NRXN3: variants seen among roughly 807,000 people sequenced by gnomAD.
The protein encoded by NRXN3 is neurexin III.
A neutral mutation model predicts 137.6 loss-of-function variants in NRXN3; 32 were observed. The observed-to-expected ratio is 0.23, with a 90% CI of 0.18 to 0.31. The LOEUF is 0.31. Ranked by LOEUF, NRXN3 falls within the 10% of genes least tolerant of loss-of-function variation. The pLI is 1.00. For missense variants in NRXN3, 1,574 were observed against 2,062.5 expected (o/e 0.76, Z 4.59); for synonymous variants, 798 against 784.5 (o/e 1.02, Z -0.29).
At chr14:78,507,455 A>G (rs1241020202) in intron 4 of NRXN3, among the ~76,000 whole-genome samples, 2 of 152,126 alleles carry the variant, frequency 1.3e-5, no homozygotes, top group Non-Finnish European at 2.9e-5. Context: ...GGGCCATGCC[A>G]CTTTTCTCCA....
At chr14:79,060,276 A>G (rs1458606246) in intron 15 of NRXN3, among the ~76,000 whole-genome samples, 5 of 152,220 alleles carry the variant, frequency 3.3e-5, no homozygotes, top group African/African-American at 9.7e-5. Flanking sequence ...AGCAAGTACT[A>G]TCTGTAAGAA....
intron 15 of NRXN3, among the ~76,000 whole-genome samples, chr14:79,410,136 C>T (rs562494260): frequency 5.3e-5 from 8 of 151,662 alleles, no homozygotes; most frequent in Admixed American, 1.3e-4. Context: ...TCAATATAAT[C>T]TGTCTGTAAT....
chr14:79,592,545 A>C (rs1057319466), intron 16 of NRXN3, among the ~76,000 whole-genome samples: 7 of 151,992 alleles, frequency 4.6e-5, no homozygotes, highest in African/African-American at 1.7e-4. Flanking sequence ...TTATATGTTA[A>C]TGGTCAGCCT....
Position 79,069,584 on chromosome 14 carries a change from G to T in NRXN3, c.3262+81443G>T, listed in dbSNP as rs560280459. 4.0e-5 allele frequency among the ~76,000 whole-genome samples: 6 copies of T among 150,558 alleles called. No homozygotes were observed. In the East Asian group the frequency reaches 9.7e-4, roughly 24 times the overall value. ...TTTATAAAAAAAAAAAAAGGTCAGA[G>T]AAAATACCACTTTTCTGATGAGTTA... On this transcript the variant is annotated intron_variant, in intron 15 of 20. Coordinates refer to ENST00000335750, the MANE Select transcript of NRXN3 (RefSeq NM_001330195.2).
intron 4 of NRXN3, among the ~76,000 whole-genome samples, chr14:78,372,976 A>G (rs867054595): frequency 6.6e-6 from 1 of 152,206 alleles, no homozygotes; most frequent in African/African-American, 2.4e-5. Flanking sequence ...CTGAGGTAGA[A>G]TAATGAAGTT....
chr14:79,009,198 G>A (rs930068165), intron 15 of NRXN3, among the ~76,000 whole-genome samples: 1 of 152,056 alleles, frequency 6.6e-6, no homozygotes, highest in Non-Finnish European at 1.5e-5. Context: ...AAGAGTTAGG[G>A]GAGAATCATC....
chr14:78,590,573 G>A (rs2097107604), intron 4 of NRXN3, among the ~76,000 whole-genome samples: 1 of 152,254 alleles, frequency 6.6e-6, no homozygotes, highest in Admixed American at 6.5e-5. Flanking sequence ...AGAAAGGAAA[G>A]CTTGCATAGG....
At chr14:79,530,105 G>A (rs188863390) in intron 16 of NRXN3, among the ~76,000 whole-genome samples, 6 of 152,122 alleles carry the variant, frequency 3.9e-5, no homozygotes, top group Non-Finnish European at 7.4e-5. Flanking sequence ...TGTTTAGGAG[G>A]TCCCTGAGTT....
chr14:79,197,697 A>G (rs17108936), intron 15 of NRXN3, among the ~76,000 whole-genome samples: 5,419 of 152,082 alleles, frequency 0.036, 232 homozygotes, highest in East Asian at 0.21. Flanking sequence ...CCTTAACCAC[A>G]ATTTGAAGGC....
intron 10 of NRXN3, among the ~76,000 whole-genome samples, chr14:78,864,860 C>T (rs1042084146): frequency 9.9e-5 from 15 of 152,182 alleles, no homozygotes; most frequent in African/African-American, 3.6e-4. Flanking sequence ...CCTGGTGTCT[C>T]TGTGTGTTCA....
At chr14:79,677,424 T>G in intron 17 of NRXN3, among the ~76,000 whole-genome samples, 1 of 152,260 alleles carries the variant, frequency 6.6e-6, no homozygotes, top group Middle Eastern at 3.4e-3. Context: ...AAAATTTATG[T>G]AAGTAAAATA....
At chr14:79,477,618 A>T (rs1045779717) in intron 16 of NRXN3, among the ~76,000 whole-genome samples, 1 of 152,136 alleles carries the variant, frequency 6.6e-6, no homozygotes, top group Admixed American at 6.6e-5. Context: ...AAAGGAAGAC[A>T]TTTAAAGATT....
At chr14:79,421,742 G>C (rs1221703484) in intron 15 of NRXN3, among the ~76,000 whole-genome samples, 1 of 152,058 alleles carries the variant, frequency 6.6e-6, no homozygotes, top group Non-Finnish European at 1.5e-5. Context: ...GGTGCAACAT[G>C]GCATAAAAGT....
At chr14:78,994,644 T>C (rs1245169546) in intron 15 of NRXN3, among the ~76,000 whole-genome samples, 1 of 152,214 alleles carries the variant, frequency 6.6e-6, no homozygotes, top group Non-Finnish European at 1.5e-5. Context: ...AATCAAAGCA[T>C]AGTCATTAAT....
intron 15 of NRXN3, among the ~76,000 whole-genome samples, chr14:79,422,819 C>G (rs1256209921): frequency 1.3e-5 from 2 of 151,646 alleles, no homozygotes; most frequent in Non-Finnish European, 2.9e-5. Context: ...CCTGCCTCAG[C>G]CTCCCGAGTA....
intron 4 of NRXN3, among the ~76,000 whole-genome samples, chr14:78,601,142 T>A (rs2097198328): frequency 6.6e-6 from 1 of 152,190 alleles, no homozygotes; most frequent in Non-Finnish European, 1.5e-5. Flanking sequence ...GCAGCTGAAT[T>A]TTATTTTAAT....
intron 6 of NRXN3, among the ~76,000 whole-genome samples, chr14:78,691,736 G>A (rs1397367993): frequency 1.3e-5 from 2 of 152,018 alleles, no homozygotes; most frequent in Non-Finnish European, 2.9e-5. Flanking sequence ...CATGTTGTTA[G>A]CATTTTCTTC....
rs1186883184 is a variant in NRXN3, at chr14:79,369,586, A to G, written c.3263-97635A>G. 5.9e-5 allele frequency among the ~76,000 whole-genome samples: 9 copies of G among 152,172 alleles called. No homozygotes were observed. In the South Asian group the frequency reaches 1.9e-3, roughly 32 times the overall value. ...ACAAGTTTTTCCTAATATCCCACTT[A>G]CATCCTGTAGCGGTGTGGGCCCATT... On this transcript the variant is annotated intron_variant, in intron 15 of 20. Transcript: ENST00000335750.
chr14:79,759,344 T>C (rs1468286390), intron 19 of NRXN3, among the ~76,000 whole-genome samples: 2 of 151,728 alleles, frequency 1.3e-5, no homozygotes, highest in Non-Finnish European at 2.9e-5. Context: ...CTTTTACTAT[T>C]GACAGTATTC....
Sources: allele counts gnomAD v4.1 joint callset (sites outside exome capture counted in the v4.1 genomes callset), GRCh38; gene constraint gnomAD v4.1.1; transcripts MANE v1.5; gene names NCBI Gene and HGNC (gene_info 2026-07-23, HGNC 2026-07-21).